Variants in SCN8A observed in about 807,000 individuals in gnomAD.
SCN8A encodes the protein sodium channel protein type 8 subunit alpha.
Under a neutral mutation model 184.1 loss-of-function variants are expected in SCN8A, and 30 were observed. That is an observed-to-expected ratio of 0.16 (90% confidence interval 0.12 to 0.22). SCN8A has a LOEUF of 0.22. Ranked by LOEUF, SCN8A falls within the 10% of genes least tolerant of loss-of-function variation. SCN8A has a pLI of 1.00. For synonymous variants in SCN8A, 852 were observed against 907.0 expected (o/e 0.94, Z 1.09); for missense variants, 1,057 against 2,498.9 (o/e 0.42, Z 12.30).
At chr12:51,646,875 T>C (rs980261466) in intron 1 of SCN8A, among the ~76,000 whole-genome samples, 4 of 152,216 alleles carry the variant, frequency 2.6e-5, no homozygotes, top group Non-Finnish European at 5.9e-5. Flanking sequence ...TGGAAGCGGA[T>C]ACTAGTAGCT....
rs145820103 is a variant in SCN8A, at chr12:51,619,748, C to T, written c.-55+28389C>T. ...TGTCAACAAGCTGTGAAAAGAATAT[C>T]ATAAAATGACTAAATAGTAAACAAC... On this transcript the variant is annotated intron_variant, in intron 1 of 26. Transcript: ENST00000627620. Among the ~76,000 whole-genome samples, 551 of 152,214 alleles carry T rather than the reference C, an allele frequency of 3.6e-3. 4 individuals are homozygous for T. The highest frequency in any genetic ancestry group is 0.012 in the African/African-American group (516 of 41,512).
chr12:51,634,077 ATTATC>A (rs939280256), intron 1 of SCN8A, among the ~76,000 whole-genome samples: 1 of 152,230 alleles, frequency 6.6e-6, no homozygotes, highest in Non-Finnish European at 1.5e-5. Context: ...GAGTGGATAA[ATTATC>A]TTAGAGTCAA....
chr12:51,784,533 T>C (rs998500104), intron 21 of SCN8A, among the ~76,000 whole-genome samples: 2 of 152,216 alleles, frequency 1.3e-5, no homozygotes, highest in Non-Finnish European at 2.9e-5. Flanking sequence ...CACTCCAGCC[T>C]GGTCGACAGA....
chr12:51,631,546 T>G (rs1940196791), intron 1 of SCN8A, among the ~76,000 whole-genome samples: 1 of 152,210 alleles, frequency 6.6e-6, no homozygotes, highest in Non-Finnish European at 1.5e-5. Flanking sequence ...CAGCCTCCAG[T>G]GTAGCAAGAA....
intron 15 of SCN8A, 114 bp from the exon 16 acceptor site, chr12:51,765,557 G>A (rs1392977588): frequency 7.4e-6 from 5 of 671,220 alleles, no homozygotes; most frequent in Non-Finnish European, 1.2e-5. Context: ...TTTTCCAAGG[G>A]TGCTCAATAT....
At chr12:51,670,938 T>A (rs1042828652) in intron 2 of SCN8A, among the ~76,000 whole-genome samples, 1 of 152,160 alleles carries the variant, frequency 6.6e-6, no homozygotes, top group Non-Finnish European at 1.5e-5. Context: ...GGAACTTAGT[T>A]TTTTTGTTAG....
intron 1 of SCN8A, among the ~76,000 whole-genome samples, chr12:51,594,804 A>T (rs959481144): frequency 1.1e-4 from 17 of 151,600 alleles, no homozygotes; most frequent in African/African-American, 4.1e-4. Flanking sequence ...TTTTTTTCCC[A>T]TAGAGAGGGA....
At chr12:51,704,553 C>G (rs1299712147) in intron 9 of SCN8A, among the ~76,000 whole-genome samples, 1 of 151,330 alleles carries the variant, frequency 6.6e-6, no homozygotes, top group African/African-American at 2.4e-5. Flanking sequence ...GCCTGTAATC[C>G]CAGCTACTCG....
chr12:51,619,262 T>C (rs1425912611), intron 1 of SCN8A, among the ~76,000 whole-genome samples: 3 of 152,226 alleles, frequency 2.0e-5, no homozygotes, highest in African/African-American at 7.2e-5. Flanking sequence ...GGATATACTA[T>C]CATTTATTTA....
chr12:51,694,190 C>G (rs1941557426), intron 6 of SCN8A, among the ~76,000 whole-genome samples: 1 of 152,200 alleles, frequency 6.6e-6, no homozygotes, highest in Non-Finnish European at 1.5e-5. Context: ...ACCTTGGCCT[C>G]CCAAAGTGCT....
chr12:51,638,488 CTT>C (rs764486546), intron 1 of SCN8A, among the ~76,000 whole-genome samples: 24 of 139,536 alleles, frequency 1.7e-4, no homozygotes, highest in Middle Eastern at 3.7e-3. Flanking sequence ...GGAGTTATTC[CTT>C]TTTTTTTTTT....
In SCN8A at chr12:51,739,803, G is replaced by A. The variant is rs141436908; in HGVS notation, c.1999-6100G>A. ...GGGAGACCCTAACCCAGTGGCGCTA[G>A]AGGAATTAAAGACACACACACACAG... On this transcript the variant is annotated intron_variant, in intron 12 of 26. Coordinates refer to ENST00000627620, the MANE Select transcript of SCN8A (RefSeq NM_001330260.2). 6.2e-3 allele frequency among the ~76,000 whole-genome samples: 947 copies of A among 152,312 alleles called. 8 individuals carry two copies. Among genetic ancestry groups the A allele is most frequent in the African/African-American group, 0.02 (815 of 41,552 alleles).
intron 26 of SCN8A, among the ~76,000 whole-genome samples, chr12:51,801,288 A>G (rs1938550812): frequency 6.6e-6 from 1 of 152,178 alleles, no homozygotes; most frequent in Non-Finnish European, 1.5e-5. Flanking sequence ...TAAATTATCC[A>G]GTTAAGTGAC....
intron 1 of SCN8A, among the ~76,000 whole-genome samples, chr12:51,655,150 C>CA (rs1940796301): frequency 6.6e-6 from 1 of 152,112 alleles, no homozygotes; most frequent in Non-Finnish European, 1.5e-5. Context: ...CTGCCTGGCT[C>CA]AGCCCCCCAT....
At chr12:51,620,168 A>G (rs1035078328) in intron 1 of SCN8A, among the ~76,000 whole-genome samples, 1 of 152,180 alleles carries the variant, frequency 6.6e-6, no homozygotes, top group African/African-American at 2.4e-5. Flanking sequence ...TTCTTGGAAA[A>G]TCTGAGATGC....
chr12:51,733,599 GT>G (rs1942278644), intron 12 of SCN8A, among the ~76,000 whole-genome samples: 1 of 152,094 alleles, frequency 6.6e-6, no homozygotes, highest in South Asian at 2.1e-4. Flanking sequence ...GAGTTTGGAA[GT>G]TTCTCTCCTC....
Position 51,806,521 on chromosome 12 carries a change from G to A in SCN8A, c.5035G>A (p.Glu1679Lys), listed in dbSNP as rs796053225. The A allele has an allele frequency of 3.7e-6, 6 of 1,614,170 alleles. No individual in the cohort carries two copies. The highest frequency in any genetic ancestry group is 3.3e-5 in the South Asian group (3 of 91,082). The change falls in exon 27 of 27, where the codon GAG becomes AAG. Residue 1679 changes from glutamate to lysine, a missense_variant. Around this residue, in one of 19 missense-constraint regions of SCN8A, gnomAD observed 19 missense variants for 41.6 expected, o/e 0.46. Transcript: ENST00000627620. This position sits in a 1 kb window ranked among gnomAD's most constrained non-coding sequence, Gnocchi z 8.7. The part of the protein sequence containing the change: ...GMSNFAYVKH[E>K]AGIDDMFNFE... ...GTCCAATTTTGCATATGTGAAGCAC[G>A]AGGCTGGTATCGATGACATGTTCAA...
intron 2 of SCN8A, among the ~76,000 whole-genome samples, chr12:51,673,028 G>A (rs2082370192): frequency 2.0e-5 from 3 of 151,924 alleles, no homozygotes; most frequent in Admixed American, 1.3e-4. Context: ...TTTTGGTTTT[G>A]TTTCCTATCA....
rs1314331276 is a variant in SCN8A, at chr12:51,812,807, C to T, written c.*5378C>T. ...AATTTCAATTTTACTTTGTACTGTA[C>T]ATCTTTTTACTTTAGAATTTGCAAT... On this transcript the variant is annotated 3_prime_UTR_variant, in exon 27 of 27. Transcript: ENST00000627620. 1 of 152,202 alleles carries T rather than the reference C, an allele frequency of 6.6e-6. No homozygotes were observed. Among genetic ancestry groups the T allele is most frequent in the African/African-American group, 2.4e-5 (1 of 41,444 alleles). 9.4% of individuals were successfully genotyped at this position (152,202 alleles called of 1,614,324 possible).
Sources: gnomAD v4.1 joint callset for allele counts (sites outside exome capture counted in the v4.1 genomes callset) on GRCh38, gnomAD v4.1.1 for gene constraint, gnomAD v4.1.1 regional missense constraint, Gnocchi (gnomAD v3.1) non-coding constraint, MANE v1.5 for transcripts, NCBI Gene and HGNC (gene_info 2026-07-23, HGNC 2026-07-21) for gene names.